Variants in OSBPL2 observed in about 807,000 individuals in gnomAD.
OSBPL2 encodes the protein oxysterol-binding protein-related protein 2.
Under a neutral mutation model 58.4 loss-of-function variants are expected in OSBPL2, and 18 were observed. That is an observed-to-expected ratio of 0.31 (90% CI 0.21 to 0.46). The LOEUF (loss-of-function observed/expected upper bound fraction) is 0.46, where lower values mean the gene tolerates loss of function less well. Ranked by LOEUF, OSBPL2 falls within the 20% of genes least tolerant of loss-of-function variation. The probability of loss-of-function intolerance (pLI) is 1.00; values close to 1 mark genes in which losing one functional copy is unlikely to be tolerated. For synonymous variants in OSBPL2, 221 were observed against 234.1 expected, an observed-to-expected ratio of 0.94 and a Z score of 0.51; for missense variants, 461 against 616.5, an observed-to-expected ratio of 0.75 and a Z score of 2.67.
Position 62,290,411 on chromosome 20 carries a change from G to GTTTTTT in OSBPL2, c.1249+1099_1249+1104dup, listed in dbSNP as rs3065795. ...CCACTACACCTGGCTAATTTTTTGG[G>GTTTTTT]TTTTTTTTTTTTTTTTTTTTTTTGA... On this transcript the variant is annotated intron_variant, in intron 12 of 13. Coordinates refer to ENST00000313733, the MANE Select transcript of OSBPL2 (RefSeq NM_144498.4). Among the ~76,000 whole-genome samples the GTTTTTT allele has an allele frequency of 1.1e-3, 85 of 76,384 alleles. 1 individual carries two copies. Among genetic ancestry groups the GTTTTTT allele is most frequent in the Non-Finnish European group, 1.4e-3 (63 of 43,948 alleles). 50.1% of individuals were successfully genotyped at this position (76,384 alleles called of 152,430 possible). A position where few individuals can be genotyped will look rare whatever the true frequency, so the allele number is the denominator to read the frequency against.
At chr20:62,272,076 C>T (rs371077156) in intron 4 of OSBPL2, 49 bp from the exon 5 acceptor site, 11 of 1,606,066 alleles carry the variant, frequency 6.8e-6, no homozygotes, top group East Asian at 4.5e-5. Flanking sequence ...GGCAGCCCAG[C>T]GGTGTCAGGA....
chr20:62,254,057 T>G (rs1250873761), intron 1 of OSBPL2, among the ~76,000 whole-genome samples: 1 of 152,088 alleles, frequency 6.6e-6, no homozygotes, highest in Non-Finnish European at 1.5e-5. Context: ...CTCAGCCTCC[T>G]AAACTGTTGG....
intron 4 of OSBPL2, 115 bp downstream of exon 4, chr20:62,263,806 C>T (rs538742406): frequency 4.5e-6 from 4 of 894,340 alleles, no homozygotes; most frequent in Non-Finnish European, 7.3e-6. Flanking sequence ...TGGCTCACGC[C>T]TATAATCTCA....
At position 62,272,971 on chromosome 20, in the gene OSBPL2, A is replaced by G. The variant is rs535019966; in HGVS notation, c.394-338A>G. ...CACGTGTGTGCGCATGCCTCTGTGA[A>G]TGAGTGCTTGGGGTGTGTGTGTTGA... On this transcript the variant is annotated intron_variant, in intron 5 of 13. Transcript: ENST00000313733. Among the ~76,000 whole-genome samples the G allele has an allele frequency of 8.5e-5, 13 of 152,288 alleles. No individual in the cohort carries two copies. In the South Asian group the frequency reaches 2.7e-3, roughly 32 times the overall value.
At chr20:62,261,193 G>C (rs1284926041) in intron 3 of OSBPL2, among the ~76,000 whole-genome samples, 1 of 151,806 alleles carries the variant, frequency 6.6e-6, no homozygotes, top group African/African-American at 2.4e-5. Context: ...GTGCGCATCT[G>C]TAGTCCCGGC....
chr20:62,248,138 CTT>C (rs1568825250), intron 1 of OSBPL2, among the ~76,000 whole-genome samples: 2 of 137,176 alleles, frequency 1.5e-5, no homozygotes, highest in African/African-American at 5.4e-5. Context: ...CTTTTTTTTT[CTT>C]TTTTCTTTTC....
intron 1 of OSBPL2, among the ~76,000 whole-genome samples, chr20:62,241,279 G>A (rs1365245201): frequency 6.6e-6 from 1 of 151,896 alleles, no homozygotes; most frequent in African/African-American, 2.4e-5. Flanking sequence ...TGCAAGCTCT[G>A]CCTCCCGGGT....
intron 7 of OSBPL2, chr20:62,279,919 G>C: frequency 7.7e-7 from 1 of 1,294,172 alleles, no homozygotes; most frequent in East Asian, 5.6e-5. Flanking sequence ...GGTGACTTAG[G>C]GTTGGAATTT....
At chr20:62,261,201 G>A (rs6121967) in intron 3 of OSBPL2, among the ~76,000 whole-genome samples, 57,598 of 151,274 alleles carry the variant, frequency 0.38, 12,365 homozygotes, top group East Asian at 0.52. Flanking sequence ...CTGTAGTCCC[G>A]GCTACTCTGG....
intron 4 of OSBPL2, chr20:62,271,879 A>T: frequency 2.1e-6 from 1 of 470,110 alleles, no homozygotes. Flanking sequence ...GGCAGAGAGG[A>T]TTCAGGGGTG....
At chr20:62,240,086 C>T (rs912261685) in intron 1 of OSBPL2, among the ~76,000 whole-genome samples, 5 of 152,168 alleles carry the variant, frequency 3.3e-5, no homozygotes, top group African/African-American at 1.2e-4. Context: ...CTCCTAACCT[C>T]AAGGGATCCG....
intron 3 of OSBPL2, among the ~76,000 whole-genome samples, chr20:62,260,548 G>A (rs1321136264): frequency 6.6e-6 from 1 of 152,188 alleles, no homozygotes; most frequent in Non-Finnish European, 1.5e-5. Flanking sequence ...TCTCAGCGGA[G>A]TTCTATTGCA....
rs1404721042 is a variant in OSBPL2 at position 62,281,187 on chromosome 20, G to T, written c.782+22G>T. 9.0e-6 allele frequency: 14 copies of T among 1,560,254 alleles called. No homozygotes were observed. The African/African-American group carries it at 1.6e-4, about 18-fold the overall frequency. ...ACAGGTGACAGCACCCCACCGTTGGGTGAGAGCGCGAGGCTCCGGGTGGGG... is the reference window on the plus strand; with the variant it reads ...ACAGGTGACAGCACCCCACCGTTGGTTGAGAGCGCGAGGCTCCGGGTGGGG... On this transcript the variant is annotated intron_variant, in intron 8 of 13. Transcript: ENST00000313733.
At chr20:62,290,485 C>T (rs1228101700) in intron 12 of OSBPL2, among the ~76,000 whole-genome samples, 1 of 131,430 alleles carries the variant, frequency 7.6e-6, no homozygotes, top group Non-Finnish European at 1.5e-5. Context: ...GGTGCGATCT[C>T]GGTTCACTGC....
intron 4 of OSBPL2, among the ~76,000 whole-genome samples, chr20:62,268,191 C>T (rs1981821360): frequency 6.6e-6 from 1 of 152,072 alleles, no homozygotes; most frequent in Non-Finnish European, 1.5e-5. Flanking sequence ...GCCACCGCGC[C>T]CGGCCAAATG....
intron 1 of OSBPL2, among the ~76,000 whole-genome samples, chr20:62,254,068 G>A (rs1028660880): frequency 6.6e-6 from 1 of 152,112 alleles, no homozygotes; most frequent in African/African-American, 2.4e-5. Context: ...AAACTGTTGG[G>A]ATTACAGGCG....
At chr20:62,275,951 C>G (rs1349821625) in intron 6 of OSBPL2, among the ~76,000 whole-genome samples, 1 of 149,116 alleles carries the variant, frequency 6.7e-6, no homozygotes, top group Non-Finnish European at 1.5e-5. Flanking sequence ...CATTGGTTGC[C>G]CAGGCTGGAG....
Position 62,272,043 on chromosome 20 carries a change from G to C in OSBPL2, c.259-82G>C, listed in dbSNP as rs555025036. ...CCCCAGAGGCTGCGGCTCCATGAAG[G>C]GATGCTCAGAGCAGGGGCATCGGGC... On this transcript the variant is annotated intron_variant, in intron 4 of 13. Transcript: ENST00000313733. 37 of 1,530,468 alleles carry C rather than the reference G, an allele frequency of 2.4e-5. 1 individual carries two copies. In the South Asian group the frequency reaches 4.1e-4, roughly 17 times the overall value. 94.8% of individuals were successfully genotyped at this position (1,530,468 alleles called of 1,614,324 possible).
At chr20:62,272,394 T>C in intron 5 of OSBPL2, 135 bp downstream of exon 5, 1 of 920,018 alleles carries the variant, frequency 1.1e-6, no homozygotes, top group Non-Finnish European at 1.6e-6. Context: ...CCATCCTGCC[T>C]GGCGGTCGTG....
Sources: allele counts gnomAD v4.1 joint callset (sites outside exome capture counted in the v4.1 genomes callset), GRCh38; gene constraint gnomAD v4.1.1; transcripts MANE v1.5; gene names NCBI Gene and HGNC (gene_info 2026-07-23, HGNC 2026-07-21).